SLC35D2: variants seen among roughly 807,000 people sequenced by gnomAD.
The protein encoded by SLC35D2 is nucleotide sugar transporter SLC35D2.
Under a neutral mutation model 41.8 loss-of-function variants are expected in SLC35D2, and 43 were observed. The observed-to-expected ratio is 1.03, with a 90% CI of 0.81 to 1.33. The LOEUF (loss-of-function observed/expected upper bound fraction) is 1.33, where lower values mean the gene tolerates loss of function less well. SLC35D2 is among the 40% of genes most tolerant of loss of function. The pLI is 0.00. For missense variants in SLC35D2, 380 were observed against 408.4 expected, an observed-to-expected ratio of 0.93 and a Z score of 0.60; for synonymous variants, 150 against 163.9, an observed-to-expected ratio of 0.92 and a Z score of 0.65.
At chr9:96,343,876 A>T (rs201609137) in intron 8 of SLC35D2, 28 bp downstream of exon 8, 9 of 1,425,342 alleles carry the variant, frequency 6.3e-6, no homozygotes, top group Non-Finnish European at 7.6e-6. Context: ...CCAGCTAAGG[A>T]AAACTGTAAT....
intron 1 of SLC35D2, among the ~76,000 whole-genome samples, chr9:96,375,753 C>A (rs1830919290): frequency 6.6e-6 from 1 of 152,024 alleles, no homozygotes; most frequent in African/African-American, 2.4e-5. Flanking sequence ...TGTGGTGGTT[C>A]ACGCCTGTAA....
intron 11 of SLC35D2, 120 bp downstream of exon 11, chr9:96,321,878 C>T (rs916465702): frequency 1.3e-5 from 8 of 628,062 alleles, no homozygotes; most frequent in Non-Finnish European, 2.0e-5. Flanking sequence ...ATTAGAATGT[C>T]AAAACGCCTC....
intron 9 of SLC35D2, among the ~76,000 whole-genome samples, chr9:96,329,742 T>C (rs1402382240): frequency 6.6e-6 from 1 of 152,240 alleles, no homozygotes; most frequent in Non-Finnish European, 1.5e-5. Context: ...TTCACAGCCC[T>C]TTTGTGAGAG....
At position 96,383,468 on chromosome 9, in the gene SLC35D2, C is replaced by T. The variant is rs1831294565; in HGVS notation, c.158+9G>A. The T allele has an allele frequency of 1.3e-6, 2 of 1,530,722 alleles. No individual in the cohort carries two copies. The highest frequency in any genetic ancestry group is 1.8e-6 in the Non-Finnish European group (2 of 1,137,844). 94.8% of individuals were successfully genotyped at this position (1,530,722 alleles called of 1,614,324 possible). On this transcript the variant is annotated intron_variant, in intron 1 of 11. Transcript: ENST00000253270. ...CCCGCAGACCCCCCGGCCCCGGGCC[C>T]CGCCTCACCCGTAGGTGGTCAGCAG...
intron 9 of SLC35D2, among the ~76,000 whole-genome samples, chr9:96,330,825 G>A (rs1337808431): frequency 6.6e-6 from 1 of 152,130 alleles, no homozygotes; most frequent in African/African-American, 2.4e-5. Flanking sequence ...GGCCTCCCTC[G>A]CAAATTGCTC....
At chr9:96,349,820 C>T (rs1170571441) in intron 6 of SLC35D2, among the ~76,000 whole-genome samples, 8 of 152,186 alleles carry the variant, frequency 5.3e-5, no homozygotes, top group Admixed American at 1.3e-4. Flanking sequence ...CCACCACGCC[C>T]GGCCTGTCAG....
rs11315245 is a variant in SLC35D2, at chr9:96,373,685, CAAA to C, written c.159-5383_159-5381del. 3.4e-3 allele frequency among the ~76,000 whole-genome samples: 388 copies of C among 114,182 alleles called. 3 individuals are homozygous for C. Among genetic ancestry groups the C allele is most frequent in the African/African-American group, 0.01 (359 of 34,290 alleles). The allele number at this position is 114,182 out of a possible 152,430, so 74.9% of individuals were successfully genotyped here. A position where few individuals can be genotyped will look rare whatever the true frequency, so the allele number is the denominator to read the frequency against. The stretch of plus-strand genomic sequence containing the variant: ...CTGGCCGACAAGAGCAAGACTCTCT[CAAA>C]AAAAAAAAAAAAAACAATTTGAGCT... On this transcript the variant is annotated intron_variant, in intron 1 of 11. Coordinates refer to ENST00000253270, the MANE Select transcript of SLC35D2 (RefSeq NM_007001.3).
chr9:96,322,593 A>G (rs1828290864), intron 10 of SLC35D2, among the ~76,000 whole-genome samples: 1 of 152,188 alleles, frequency 6.6e-6, no homozygotes, highest in African/African-American at 2.4e-5. Flanking sequence ...TGATAACAAC[A>G]GAAAATTGCA....
intron 8 of SLC35D2, among the ~76,000 whole-genome samples, chr9:96,341,518 T>C (rs1200832110): frequency 1.3e-5 from 2 of 152,186 alleles, no homozygotes; most frequent in African/African-American, 4.8e-5. Flanking sequence ...GCTTTGCCTA[T>C]ACGATAGAAA....
intron 7 of SLC35D2, among the ~76,000 whole-genome samples, chr9:96,344,728 T>TGGGGGA (rs1341551712): frequency 9.3e-4 from 4 of 4,280 alleles, no homozygotes; most frequent in South Asian, 8.2e-3. Context: ...GGGGGAGGGA[T>TGGGGGA]GGGGGAGGGG....
At chr9:96,382,597 A>C (rs1470060484) in intron 1 of SLC35D2, among the ~76,000 whole-genome samples, 1 of 151,668 alleles carries the variant, frequency 6.6e-6, no homozygotes, top group Non-Finnish European at 1.5e-5. Context: ...TTTATATTCG[A>C]GAAAAGTGAG....
chr9:96,383,424 A>G, intron 1 of SLC35D2, 53 bp downstream of exon 1: 1 of 1,424,826 alleles, frequency 7.0e-7, no homozygotes, highest in Non-Finnish European at 9.4e-7. Context: ...CGCACGGAGG[A>G]CAGGGGCAGC....
chr9:96,374,875 A>G (rs1830874831), intron 1 of SLC35D2, among the ~76,000 whole-genome samples: 1 of 151,558 alleles, frequency 6.6e-6, no homozygotes, highest in South Asian at 2.1e-4. Context: ...TTATGTTTCT[A>G]TGTCTCCACC....
At chr9:96,330,148 G>C (rs1276089869) in intron 9 of SLC35D2, among the ~76,000 whole-genome samples, 1 of 152,258 alleles carries the variant, frequency 6.6e-6, no homozygotes, top group African/African-American at 2.4e-5. Context: ...CAAGGCAGCA[G>C]AAGAAAGTCT....
chr9:96,379,613 A>G (rs1357987515), intron 1 of SLC35D2, among the ~76,000 whole-genome samples: 1 of 152,096 alleles, frequency 6.6e-6, no homozygotes, highest in African/African-American at 2.4e-5. Flanking sequence ...CTACAACACA[A>G]CATTCTATCC....
rs145167536 is a variant in SLC35D2 at position 96,332,112 on chromosome 9, A to C, written c.752+4605T>G. Among the ~76,000 whole-genome samples the C allele has an allele frequency of 3.3e-5, 5 of 152,256 alleles. No individual in the cohort carries two copies. The East Asian group carries it at 9.6e-4, about 29-fold the overall frequency. ...TAACAAAACATTTCAAAGCGTAATAATTTTTAAATTATATTTTCAACTCAG... is the reference window on the plus strand; with the variant it reads ...TAACAAAACATTTCAAAGCGTAATACTTTTTAAATTATATTTTCAACTCAG... On this transcript the variant is annotated intron_variant, in intron 9 of 11. Coordinates refer to ENST00000253270, the MANE Select transcript of SLC35D2 (RefSeq NM_007001.3).
At chr9:96,373,089 T>G (rs185956443) in intron 1 of SLC35D2, among the ~76,000 whole-genome samples, 4,239 of 150,992 alleles carry the variant, frequency 0.028, 73 homozygotes, top group Middle Eastern at 0.06. Flanking sequence ...TAGTAGAGAT[T>G]GGGTTTCACC....
chr9:96,380,634 G>C (rs528355512), intron 1 of SLC35D2, among the ~76,000 whole-genome samples: 2 of 150,458 alleles, frequency 1.3e-5, no homozygotes, highest in South Asian at 2.1e-4. Flanking sequence ...GTTTTTTTTT[G>C]TTTGTTTTTT....
chr9:96,348,074 T>C (rs1829656330), intron 6 of SLC35D2, among the ~76,000 whole-genome samples: 1 of 152,206 alleles, frequency 6.6e-6, no homozygotes, highest in Non-Finnish European at 1.5e-5. Flanking sequence ...TTTACTTTCT[T>C]AATAAACTTG....
Sources: allele counts gnomAD v4.1 joint callset (sites outside exome capture counted in the v4.1 genomes callset), GRCh38; gene constraint gnomAD v4.1.1; transcripts MANE v1.5; gene names NCBI Gene and HGNC (gene_info 2026-07-23, HGNC 2026-07-21).